The following RXFP1 variants were observed in gnomAD, a reference collection of about 807,000 sequenced individuals.
RXFP1 encodes the protein relaxin family peptide receptor 1, also known as relaxin receptor 1.
RXFP1 carries 73 observed loss-of-function variants against 89.8 expected under a neutral mutation model. The observed-to-expected ratio is 0.81, with a 90% CI of 0.67 to 0.99. RXFP1 has a LOEUF of 0.99. Ranked by LOEUF, RXFP1 falls within the 50% of genes least tolerant of loss-of-function variation. The pLI, the probability that RXFP1 is intolerant of heterozygous loss-of-function variation, is 0.00. For missense variants in RXFP1, 793 were observed against 895.5 expected, an observed-to-expected ratio of 0.89 and a Z score of 1.46; for synonymous variants, 277 against 305.5, an observed-to-expected ratio of 0.91 and a Z score of 0.97.
intron 1 of RXFP1, among the ~76,000 whole-genome samples, chr4:158,568,513 T>G (rs1385908791): frequency 1.3e-5 from 2 of 152,222 alleles, no homozygotes; most frequent in Non-Finnish European, 2.9e-5. Flanking sequence ...TCTTAAAAAA[T>G]TAATAAAGAT....
At chr4:158,579,880 G>T (rs113371154) in intron 2 of RXFP1, among the ~76,000 whole-genome samples, 2 of 152,158 alleles carry the variant, frequency 1.3e-5, no homozygotes, top group Non-Finnish European at 2.9e-5. Context: ...GGTTTTTACC[G>T]GGTGTTTTGT....
chr4:158,645,647 C>T (rs964858647), intron 15 of RXFP1, among the ~76,000 whole-genome samples: 6 of 151,830 alleles, frequency 4.0e-5, no homozygotes, highest in African/African-American at 7.3e-5. Flanking sequence ...AAAAAGTGTG[C>T]GCAATGTAAT....
intron 4 of RXFP1, 119 bp from the exon 5 acceptor site, chr4:158,604,949 G>A: frequency 1.9e-6 from 1 of 524,290 alleles, no homozygotes; most frequent in Non-Finnish European, 3.5e-6. Context: ...GAGACATTAT[G>A]AAGCAAAATG....
intron 1 of RXFP1, among the ~76,000 whole-genome samples, chr4:158,569,563 A>G (rs1754593557): frequency 6.6e-6 from 1 of 152,196 alleles, no homozygotes; most frequent in Admixed American, 6.5e-5. Context: ...TTTGCTGTGA[A>G]CCTAATAGCT....
intron 9 of RXFP1, among the ~76,000 whole-genome samples, chr4:158,622,238 G>C (rs1268251773): frequency 6.6e-6 from 1 of 152,104 alleles, no homozygotes; most frequent in African/African-American, 2.4e-5. Context: ...TTGAACCCGG[G>C]AGGCGGAGGT....
At chr4:158,592,972 C>T (rs1048192205) in intron 2 of RXFP1, among the ~76,000 whole-genome samples, 1 of 150,518 alleles carries the variant, frequency 6.6e-6, no homozygotes, top group Non-Finnish European at 1.5e-5. Flanking sequence ...CCCGTAGTCC[C>T]AGCTACTTGG....
intron 1 of RXFP1, among the ~76,000 whole-genome samples, chr4:158,532,107 A>C (rs1744206435): frequency 6.6e-6 from 1 of 151,038 alleles, no homozygotes; most frequent in Admixed American, 6.6e-5. Context: ...TGGAATCCCC[A>C]GTGTCTCTTG....
In RXFP1 at chr4:158,652,811, A is replaced by G. The variant is rs1381795188; in HGVS notation, c.*756A>G. On this transcript the variant is annotated 3_prime_UTR_variant, in exon 18 of 18. Transcript: ENST00000307765. ...ATCAGAAAAACTAGAATGAGGATAA[A>G]CATTTACATTAGTGGAAACTCCTGA... is the stretch of plus-strand genomic sequence containing the variant. 1 of 152,230 alleles carries G rather than the reference A, an allele frequency of 6.6e-6. No homozygotes were observed. Among genetic ancestry groups the G allele is most frequent in the Non-Finnish European group, 1.5e-5 (1 of 68,030 alleles). 9.4% of individuals were successfully genotyped at this position (152,230 alleles called of 1,614,324 possible).
Position 158,628,687 on chromosome 4 carries a change from C to T in RXFP1, c.877C>T (p.Pro293Ser). The change falls in exon 11 of 18, where the codon CCT becomes TCT. Residue 293 changes from proline to serine, a missense_variant. Pro to Ser is a moderately conservative substitution (Grantham distance 74, BLOSUM62 -1). Coordinates refer to ENST00000307765, the MANE Select transcript of RXFP1 (RefSeq NM_021634.4). Reference sequence around the variant, plus strand: ...TCACTTAAATGAAAATACTTTTGCACCTCTCCAGAAACTGGATGAATTGTA... The same window carrying T: ...TCACTTAAATGAAAATACTTTTGCATCTCTCCAGAAACTGGATGAATTGTA... Reference protein sequence around the residue: ...INHLNENTFAPLQKLDELDLG... With the variant: ...INHLNENTFASLQKLDELDLG... The T allele has an allele frequency of 6.3e-7, 1 of 1,578,588 alleles. No homozygotes were observed. The highest frequency in any genetic ancestry group is 8.7e-7 in the Non-Finnish European group (1 of 1,151,004).
chr4:158,612,249 A>G, intron 7 of RXFP1, 42 bp from the exon 8 acceptor site: 5 of 1,602,294 alleles, frequency 3.1e-6, no homozygotes, highest in Non-Finnish European at 2.6e-6. Flanking sequence ...TTTAGATTCT[A>G]GAGATATATA....
chr4:158,606,461 C>CA (rs1333007927), intron 5 of RXFP1, among the ~76,000 whole-genome samples: 1 of 152,114 alleles, frequency 6.6e-6, no homozygotes, highest in Non-Finnish European at 1.5e-5. Flanking sequence ...GACCTCCAGG[C>CA]AATGCAGCCT....
intron 17 of RXFP1, among the ~76,000 whole-genome samples, chr4:158,649,462 C>T (rs1277022604): frequency 6.6e-6 from 1 of 151,798 alleles, no homozygotes; most frequent in Non-Finnish European, 1.5e-5. Flanking sequence ...TTAGAAAGAA[C>T]GTTGGCTGGC....
At position 158,566,821 on chromosome 4, in the gene RXFP1, C is replaced by T. The variant is rs367584981; in HGVS notation, c.50-5877C>T. Reference sequence around the variant, plus strand: ...CCCTCGCTCGCTCTCGGCACCCCCTCGCCTTGGCGCCCATTCTGGCCGGGC... The same window carrying T: ...CCCTCGCTCGCTCTCGGCACCCCCTTGCCTTGGCGCCCATTCTGGCCGGGC... On this transcript the variant is annotated intron_variant, in intron 1 of 17. Coordinates refer to ENST00000307765, the MANE Select transcript of RXFP1 (RefSeq NM_021634.4). Among the ~76,000 whole-genome samples the T allele has an allele frequency of 2.6e-5, 4 of 152,262 alleles. No homozygotes were observed. The East Asian group carries it at 5.8e-4, about 22-fold the overall frequency.
At chr4:158,616,612 T>C (rs929623872) in intron 8 of RXFP1, among the ~76,000 whole-genome samples, 4 of 149,568 alleles carry the variant, frequency 2.7e-5, no homozygotes, top group Non-Finnish European at 5.9e-5. Flanking sequence ...TAATAACTTA[T>C]ATTTGTTAAA....
chr4:158,595,459 T>C (rs1760366886), intron 3 of RXFP1, among the ~76,000 whole-genome samples: 1 of 152,230 alleles, frequency 6.6e-6, no homozygotes, highest in African/African-American at 2.4e-5. Context: ...CGTAAAACCA[T>C]TTAAGATGAA....
At chr4:158,639,737 G>T (rs964982224) in intron 14 of RXFP1, among the ~76,000 whole-genome samples, 5 of 152,214 alleles carry the variant, frequency 3.3e-5, no homozygotes, top group Non-Finnish European at 7.3e-5. Flanking sequence ...AGTCGTGGTG[G>T]TGATTCCAGC....
At chr4:158,644,606 G>C (rs992303352) in intron 14 of RXFP1, among the ~76,000 whole-genome samples, 1 of 152,066 alleles carries the variant, frequency 6.6e-6, no homozygotes, top group African/African-American at 2.4e-5. Context: ...GTACGATAAC[G>C]GTTTCTCTGG....
Position 158,612,166 on chromosome 4 carries a change from G to C in RXFP1, c.573G>C (p.Pro191=). The C allele has an allele frequency of 6.2e-7, 1 of 1,611,148 alleles. No homozygotes were observed. The highest frequency in any genetic ancestry group is 8.5e-7 in the Non-Finnish European group (1 of 1,179,076). ...ATAACAGAATAACCTTCCTGAAGCC[G>C]GGTGTTTTTGAAGATCTTCACAGAC... ...LSHNRITFLK[P]GVFEDLHRLE... Residue 191 remains proline (P), a synonymous_variant, in exon 7 of 18, where the codon CCG becomes CCC. Transcript: ENST00000307765.
At chr4:158,624,074 A>G (rs573744877) in intron 9 of RXFP1, among the ~76,000 whole-genome samples, 2 of 152,290 alleles carry the variant, frequency 1.3e-5, no homozygotes, top group East Asian at 3.9e-4. Context: ...TAATCCTAAT[A>G]GATATGAACT....
Sources: allele counts gnomAD v4.1 joint callset (sites outside exome capture counted in the v4.1 genomes callset), GRCh38; gene constraint gnomAD v4.1.1; transcripts MANE v1.5; gene names NCBI Gene and HGNC (gene_info 2026-07-23, HGNC 2026-07-21).